Variants in FRMD1 observed in about 807,000 individuals in gnomAD.
The protein encoded by FRMD1 is FERM domain containing 1, also known as FERM domain-containing protein 1.
Under a neutral mutation model 54.9 loss-of-function variants are expected in FRMD1, and 51 were observed. That is an observed-to-expected ratio of 0.93 (90% confidence interval 0.74 to 1.17). The LOEUF is 1.17. FRMD1 is among the 50% of genes most tolerant of loss of function. The pLI is 0.00. For missense variants in FRMD1, 729 were observed against 743.0 expected (o/e 0.98, Z 0.22); for synonymous variants, 324 against 306.4 (o/e 1.06, Z -0.60).
intron 10 of FRMD1, 177 bp from the exon 11 acceptor site, chr6:168,057,516 A>G (rs1583161860): frequency 2.4e-6 from 2 of 831,562 alleles, no homozygotes; most frequent in East Asian, 5.7e-5. Flanking sequence ...TCTGCGAGAG[A>G]GGCTTGGCAT....
chr6:168,081,349 A>G (rs1401908250), upstream of FRMD1: 1 of 1,526,484 alleles, frequency 6.6e-7, no homozygotes, highest in Admixed American at 2.0e-5. Context: ...CCACCTCTGA[A>G]TGTCTTGTCT....
At chr6:168,075,415 C>T (rs1034477230) in intron 1 of FRMD1, 80 bp from the exon 2 acceptor site, 9 of 1,165,208 alleles carry the variant, frequency 7.7e-6, no homozygotes, top group Middle Eastern at 2.1e-4. Flanking sequence ...CGAGGCCCAG[C>T]GGGGCACCAG....
At position 168,059,330 on chromosome 6, in the gene FRMD1, C is replaced by T. The variant is rs928804022; in HGVS notation, c.1343-142G>A. The stretch of plus-strand genomic sequence containing the variant: ...TCACACCGCCCCCTTGCTCTCAGTG[C>T]GGTGACTGCTTTTGCTCCATTCCCC... On this transcript the variant is annotated intron_variant, in intron 9 of 10. Coordinates refer to ENST00000283309, the MANE Select transcript of FRMD1 (RefSeq NM_024919.6). This position sits in a 1 kb window ranked among gnomAD's most constrained non-coding sequence, Gnocchi z 4.4. 82 of 667,624 alleles carry T rather than the reference C, an allele frequency of 1.2e-4. No homozygotes were observed. In the East Asian group the frequency reaches 1.6e-3, roughly 13 times the overall value. 41.4% of individuals were successfully genotyped at this position (667,624 alleles called of 1,614,324 possible).
rs1799366659 is a variant in FRMD1 at position 168,055,470 on chromosome 6, A to G, written c.*1627T>C. 6.6e-6 allele frequency: 1 copy of G among 152,278 alleles called. No individual in the cohort carries two copies. The highest frequency in any genetic ancestry group is 1.5e-5 in the Non-Finnish European group (1 of 68,100). 9.4% of individuals were successfully genotyped at this position (152,278 alleles called of 1,614,324 possible). On this transcript the variant is annotated 3_prime_UTR_variant, in exon 11 of 11. Coordinates refer to ENST00000283309, the MANE Select transcript of FRMD1 (RefSeq NM_024919.6). ...TGGACACCACCTGCTGTGTCTCCCC[A>G]ACACTGGTGTGTACCTTCCCTCATG... is the stretch of plus-strand genomic sequence containing the variant.
At chr6:168,092,223 C>T (rs1467650071) in intron 1 of FRMD1, among the ~76,000 whole-genome samples, 1 of 152,250 alleles carries the variant, frequency 6.6e-6, no homozygotes, top group Non-Finnish European at 1.5e-5. Flanking sequence ...TATCATGTGT[C>T]CTGCTCAGTG....
At chr6:168,064,152 C>G (rs9355161) in intron 5 of FRMD1, among the ~76,000 whole-genome samples, 112,399 of 152,140 alleles carry the variant, frequency 0.74, 41,644 homozygotes, top group Middle Eastern at 0.82. Context: ...GCTCAGAGGC[C>G]AAGGGCACGT....
intron 1 of FRMD1, among the ~76,000 whole-genome samples, chr6:168,078,404 C>T (rs1800684967): frequency 6.6e-6 from 1 of 152,100 alleles, no homozygotes; most frequent in Non-Finnish European, 1.5e-5. Flanking sequence ...ATGTTTCCTT[C>T]ACAGGCCCAG....
In FRMD1 at chr6:168,057,321, C is replaced by T. The variant is rs774332500; in HGVS notation, c.1426G>A (p.Gly476Arg). The T allele has an allele frequency of 1.6e-5, 26 of 1,611,220 alleles. No individual in the cohort carries two copies. Among genetic ancestry groups the T allele is most frequent in the Non-Finnish European group, 2.0e-5 (24 of 1,179,774 alleles). The change falls in exon 11 of 11, where the codon GGG becomes AGG. Residue 476 changes from glycine (G) to arginine (R), a missense_variant. Physicochemically the swap from Gly to Arg is moderately radical, Grantham distance 125. Coordinates refer to ENST00000283309, the MANE Select transcript of FRMD1 (RefSeq NM_024919.6). Reference sequence around the variant, plus strand: ...TGGCTGTGCTGCTCCTCACTGACCCCGGCTGTCATTTCCTGGATCTGCGGG... The same window carrying T: ...TGGCTGTGCTGCTCCTCACTGACCCTGGCTGTCATTTCCTGGATCTGCGGG... ...AVHQIQEMTA[G>R]VSEEQHSHGL...
At chr6:168,062,797 C>A in intron 7 of FRMD1, 97 bp downstream of exon 7, 1 of 1,605,662 alleles carries the variant, frequency 6.2e-7, no homozygotes, top group South Asian at 1.1e-5. Flanking sequence ...CCCATGACCG[C>A]TGCAGGGATG....
intron 1 of FRMD1, 82 bp downstream of exon 1, chr6:168,078,800 C>CTGCTCACCCCCACAGCCT: frequency 1.6e-6 from 2 of 1,216,864 alleles, no homozygotes; most frequent in Non-Finnish European, 2.2e-6. Context: ...ACCCAGGGCC[C>CTGCTCACCCCCACAGCCT]TGCTCACCCC....
chr6:168,087,880 C>T (rs1318817429), intron 1 of FRMD1, among the ~76,000 whole-genome samples: 2 of 152,192 alleles, frequency 1.3e-5, no homozygotes, highest in African/African-American at 4.8e-5. Context: ...ACTTCCACCC[C>T]TCTCATGGTG....
chr6:168,062,358 T>C (rs3807062), intron 7 of FRMD1, among the ~76,000 whole-genome samples: 7,115 of 152,316 alleles, frequency 0.047, 175 homozygotes, highest in African/African-American at 0.072. Context: ...GGGGCCGGGA[T>C]GAGAGGAACA....
At chr6:168,068,771 C>T (rs1800160871) in intron 2 of FRMD1, among the ~76,000 whole-genome samples, 1 of 152,208 alleles carries the variant, frequency 6.6e-6, no homozygotes, top group African/African-American at 2.4e-5. Flanking sequence ...TTACAGCCAC[C>T]TGCATTACAT....
chr6:168,062,947 C>G lies in FRMD1; in HGVS notation c.817G>C (p.Gly273Arg). Reference protein sequence around the residue: ...FFRLHKDKKEGRPTVILGLAL... With the variant: ...FFRLHKDKKERRPTVILGLAL... ...AGTCCCAGGATCACGGTGGGACGAC[C>G]TTCCTTCTTATCCTAGAGGACACAG... Residue 273 changes from glycine (G) to arginine (R), a missense_variant, in exon 7 of 11, where the codon GGT (glycine) becomes CGT (arginine). Coordinates refer to ENST00000283309, the MANE Select transcript of FRMD1 (RefSeq NM_024919.6). The G allele has an allele frequency of 6.2e-7, 1 of 1,614,070 alleles. No homozygotes were observed. The highest frequency in any genetic ancestry group is 8.5e-7 in the Non-Finnish European group (1 of 1,179,950).
chr6:168,074,145 A>G (rs1161997517), intron 2 of FRMD1, among the ~76,000 whole-genome samples: 1 of 152,050 alleles, frequency 6.6e-6, no homozygotes, highest in African/African-American at 2.4e-5. Flanking sequence ...AAAAGTGCAC[A>G]TGAAGCACTT....
At chr6:168,072,063 G>A (rs1269346218) in intron 2 of FRMD1, among the ~76,000 whole-genome samples, 6 of 152,372 alleles carry the variant, frequency 3.9e-5, no homozygotes, top group South Asian at 2.1e-4. Flanking sequence ...AGCCGATGGC[G>A]TCCAAGCCGG....
intron 5 of FRMD1, among the ~76,000 whole-genome samples, chr6:168,064,204 C>T (rs9364391): frequency 0.74 from 112,406 of 152,140 alleles, 41,650 homozygotes; most frequent in Middle Eastern, 0.82. Context: ...CTGGGCCCCA[C>T]CCTGACCTCA....
chr6:168,089,736 C>T (rs1800983382), intron 1 of FRMD1, among the ~76,000 whole-genome samples: 1 of 152,174 alleles, frequency 6.6e-6, no homozygotes, highest in Non-Finnish European at 1.5e-5. Context: ...GGCGGACGGG[C>T]ACAGCAACTC....
At chr6:168,064,641 C>G (rs1799932706) in intron 5 of FRMD1, among the ~76,000 whole-genome samples, 1 of 152,244 alleles carries the variant, frequency 6.6e-6, no homozygotes, top group African/African-American at 2.4e-5. Flanking sequence ...GCACAGGCAC[C>G]CACACCTGCC....
Sources: gnomAD v4.1 joint callset for allele counts (sites outside exome capture counted in the v4.1 genomes callset) on GRCh38, gnomAD v4.1.1 for gene constraint, Gnocchi (gnomAD v3.1) non-coding constraint, MANE v1.5 for transcripts, NCBI Gene and HGNC (gene_info 2026-07-23, HGNC 2026-07-21) for gene names.